PCDHGA4: variants seen among roughly 807,000 people sequenced by gnomAD.
PCDHGA4 encodes the protein protocadherin gamma subfamily A, 4, also known as protocadherin gamma-A4.
Under a neutral mutation model 54.6 loss-of-function variants are expected in PCDHGA4, and 38 were observed. That is an observed-to-expected ratio of 0.70 (90% CI 0.54 to 0.91). The LOEUF is 0.91. Among genes scored for constraint, PCDHGA4 ranks in the 40% least tolerant of loss-of-function variants. PCDHGA4 has a pLI of 0.00. For synonymous variants in PCDHGA4, 511 were observed against 512.9 expected (o/e 1.00, Z 0.05); for missense variants, 1,298 against 1,220.9 (o/e 1.06, Z -0.94).
chr5:141,480,137 A>G (rs1183663599), intron 1 of PCDHGA4, among the ~76,000 whole-genome samples: 2 of 152,096 alleles, frequency 1.3e-5, no homozygotes, highest in Non-Finnish European at 2.9e-5. Context: ...CTGTTAAACA[A>G]TTATTAGCCA....
intron 1 of PCDHGA4, chr5:141,404,860 T>C (rs3749769): frequency 0.09 from 144,859 of 1,613,622 alleles, 7,500 homozygotes; most frequent in African/African-American, 0.18. Context: ...TAGATAGAGA[T>C]GCGCTCAAAC....
chr5:141,457,233 T>G (rs1038193595), intron 1 of PCDHGA4, among the ~76,000 whole-genome samples: 9 of 152,208 alleles, frequency 5.9e-5, no homozygotes, highest in African/African-American at 2.2e-4. Flanking sequence ...AATTTCCATC[T>G]AAAATTTTAC....
intron 1 of PCDHGA4, among the ~76,000 whole-genome samples, chr5:141,464,964 A>G (rs1433148254): frequency 6.6e-6 from 1 of 152,030 alleles, no homozygotes; most frequent in Non-Finnish European, 1.5e-5. Flanking sequence ...CTTGTCTTGA[A>G]CTACTGGCTT....
At position 141,486,891 on chromosome 5, in the gene PCDHGA4, G is replaced by A. The variant is rs201201426; in HGVS notation, c.2515-7916G>A. 38 of 1,614,118 alleles carry A rather than the reference G, an allele frequency of 2.4e-5. No individual in the cohort carries two copies. The highest frequency in any genetic ancestry group is 3.1e-5 in the Non-Finnish European group (37 of 1,180,064). Reference sequence around the variant, plus strand: ...GTGCTCCGTCCTCGGGCCCGGCCTGGTTCCTTATGTCCCCAAGCACTGCCT... The same window carrying A: ...GTGCTCCGTCCTCGGGCCCGGCCTGATTCCTTATGTCCCCAAGCACTGCCT... On this transcript the variant is annotated intron_variant, in intron 1 of 3. Coordinates refer to ENST00000571252, the MANE Select transcript of PCDHGA4 (RefSeq NM_018917.4). This position sits in a 1 kb window ranked among gnomAD's most constrained non-coding sequence, Gnocchi z 5.0.
At chr5:141,365,711 G>A (rs750945400) in intron 1 of PCDHGA4, 34 of 1,613,386 alleles carry the variant, frequency 2.1e-5, no homozygotes, top group Non-Finnish European at 3.4e-6. Context: ...CTCCACCTCT[G>A]TCACAGAAAA....
intron 1 of PCDHGA4, among the ~76,000 whole-genome samples, chr5:141,426,040 G>C (rs1032424646): frequency 2.0e-5 from 3 of 152,212 alleles, no homozygotes; most frequent in African/African-American, 7.2e-5. Flanking sequence ...GAGCCCTGCT[G>C]TTGGCCAATG....
At chr5:141,395,277 A>G (rs758440707) in intron 1 of PCDHGA4, 2 of 1,542,838 alleles carry the variant, frequency 1.3e-6, no homozygotes, top group East Asian at 2.3e-5. Flanking sequence ...TTCCAGATGA[A>G]TTTTATTTGG....
intron 1 of PCDHGA4, among the ~76,000 whole-genome samples, chr5:141,373,754 ATAT>A (rs1224910859): frequency 6.6e-6 from 1 of 152,230 alleles, no homozygotes; most frequent in Non-Finnish European, 1.5e-5. Context: ...GGGGAGGGAA[ATAT>A]TATGAGTGTC....
intron 1 of PCDHGA4, among the ~76,000 whole-genome samples, chr5:141,448,086 T>TA (rs558292628): frequency 0.011 from 1,579 of 146,268 alleles, 11 homozygotes; most frequent in Non-Finnish European, 0.016. Context: ...AATGCCATCT[T>TA]AAAAAAAAAA....
chr5:141,417,285 A>C (rs913143514), intron 1 of PCDHGA4: 2 of 152,254 alleles, frequency 1.3e-5, no homozygotes, highest in African/African-American at 4.8e-5. Flanking sequence ...AAGGAACAAG[A>C]ATGACTGCCT....
chr5:141,491,434 A>G lies in PCDHGA4; in HGVS notation c.2515-3373A>G, dbSNP rs1362196179. The G allele has an allele frequency of 6.2e-7, 1 of 1,614,032 alleles. No individual in the cohort carries two copies. ...GGACGGGGGTGGAGGGCAGTGCTGC[A>G]GGCGCCAGGACTCACCCTCCCCGGA... On this transcript the variant is annotated intron_variant, in intron 1 of 3. Coordinates refer to ENST00000571252, the MANE Select transcript of PCDHGA4 (RefSeq NM_018917.4). The surrounding 1 kb of genome is among the most constrained non-coding windows in gnomAD (Gnocchi z 6.9).
In PCDHGA4 at chr5:141,432,927, G is replaced by A; in HGVS notation, c.2515-61880G>A. On this transcript the variant is annotated intron_variant, in intron 1 of 3. Coordinates refer to ENST00000571252, the MANE Select transcript of PCDHGA4 (RefSeq NM_018917.4). This position sits in a 1 kb window ranked among gnomAD's most constrained non-coding sequence, Gnocchi z 6.0. ...AGGCTGCGGCGCTGGCACAAGTCACGCCTGCTGCAGGCTTCAGGAGGCGGC... is the reference window on the plus strand; with the variant it reads ...AGGCTGCGGCGCTGGCACAAGTCACACCTGCTGCAGGCTTCAGGAGGCGGC... 6.2e-7 allele frequency: 1 copy of A among 1,614,162 alleles called. No individual in the cohort carries two copies. Among genetic ancestry groups the A allele is most frequent in the Non-Finnish European group, 8.5e-7 (1 of 1,180,032 alleles).
At chr5:141,444,788 G>T (rs775248284) in intron 1 of PCDHGA4, among the ~76,000 whole-genome samples, 59 of 151,920 alleles carry the variant, frequency 3.9e-4, no homozygotes, top group Non-Finnish European at 5.7e-4. Context: ...TGTTTCATTT[G>T]TCTATTCTTT....
intron 1 of PCDHGA4, among the ~76,000 whole-genome samples, chr5:141,439,537 C>T (rs1404605731): frequency 6.6e-6 from 1 of 152,206 alleles, no homozygotes; most frequent in African/African-American, 2.4e-5. Flanking sequence ...GAACGCTGTC[C>T]TCTCATTTCT....
At chr5:141,394,764 C>T in intron 1 of PCDHGA4, 3 of 1,613,450 alleles carry the variant, frequency 1.9e-6, no homozygotes, top group Middle Eastern at 1.6e-4. Flanking sequence ...GGACCATGGC[C>T]AGCCCCCTCT....
At chr5:141,407,547 T>C (rs895082728) in intron 1 of PCDHGA4, among the ~76,000 whole-genome samples, 1 of 151,860 alleles carries the variant, frequency 6.6e-6, no homozygotes, top group Non-Finnish European at 1.5e-5. Flanking sequence ...GGTAACAGAT[T>C]GTAGAACATA....
At chr5:141,397,195 G>T (rs2093485269) in intron 1 of PCDHGA4, among the ~76,000 whole-genome samples, 1 of 152,150 alleles carries the variant, frequency 6.6e-6, no homozygotes, top group Non-Finnish European at 1.5e-5. Context: ...TACTGTAAAA[G>T]ATATGACATA....
chr5:141,494,656 C>CT, intron 1 of PCDHGA4, 151 bp from the exon 2 acceptor site: 1 of 1,478,476 alleles, frequency 6.8e-7, no homozygotes, highest in Non-Finnish European at 9.1e-7. Flanking sequence ...TGTATTTTGT[C>CT]TTTGGAGATG....
intron 1 of PCDHGA4, among the ~76,000 whole-genome samples, chr5:141,463,318 C>A (rs2099056713): frequency 6.6e-6 from 1 of 151,878 alleles, no homozygotes; most frequent in East Asian, 1.9e-4. Flanking sequence ...ATATCTATTC[C>A]TCAACTCAGC....
Sources: allele counts gnomAD v4.1 joint callset (sites outside exome capture counted in the v4.1 genomes callset), GRCh38; gene constraint gnomAD v4.1.1; non-coding constraint Gnocchi (gnomAD v3.1); transcripts MANE v1.5; gene names NCBI Gene and HGNC (gene_info 2026-07-23, HGNC 2026-07-21).